PGCKA1: variants seen among roughly 807,000 people sequenced by gnomAD.
PGCKA1 encodes the protein PDCD10 and GCKIII kinases-associated protein 1.
At chr4:37,489,970 T>C in the PGCKA1 span, among the ~76,000 whole-genome samples, 1 of 152,086 alleles carries the variant, frequency 6.6e-6, no homozygotes, top group East Asian at 1.9e-4. Context: ...TGAGAAATTG[T>C]CTCCTCTTAG....
the PGCKA1 span, among the ~76,000 whole-genome samples, chr4:37,474,431 T>A: frequency 6.6e-6 from 1 of 152,154 alleles, no homozygotes; most frequent in African/African-American, 2.4e-5. Context: ...GCTAAGACAC[T>A]TGTCAACGTT....
the PGCKA1 span, among the ~76,000 whole-genome samples, chr4:37,481,464 C>CAAAAAAAAAAAAA: frequency 2.1e-3 from 128 of 61,318 alleles, 4 homozygotes; most frequent in Non-Finnish European, 2.6e-3. Context: ...GACCTGTCTC[C>CAAAAAAAAAAAAA]AAAAAAAAAA....
the PGCKA1 span, among the ~76,000 whole-genome samples, chr4:37,509,245 A>ACG: frequency 1.0e-5 from 1 of 97,762 alleles, no homozygotes; most frequent in African/African-American, 4.5e-5. Flanking sequence ...CACTTCCCAG[A>ACG]AGGGGTGGCC....
At chr4:37,560,050 A>G in the PGCKA1 span, among the ~76,000 whole-genome samples, 3 of 152,160 alleles carry the variant, frequency 2.0e-5, no homozygotes, top group Non-Finnish European at 1.5e-5. Flanking sequence ...ATTCAATACC[A>G]TAGGCCCAAA....
At chr4:37,552,452 G>T in the PGCKA1 span, among the ~76,000 whole-genome samples, 2 of 152,170 alleles carry the variant, frequency 1.3e-5, no homozygotes, top group Non-Finnish European at 2.9e-5. Flanking sequence ...TTTGCCTGTG[G>T]CTCATCCTGC....
the PGCKA1 span, among the ~76,000 whole-genome samples, chr4:37,535,439 A>G: frequency 2.0e-5 from 3 of 152,034 alleles, no homozygotes; most frequent in African/African-American, 7.3e-5. Context: ...ATATGCCCAC[A>G]ATTTGGGGCC....
At chr4:37,592,078 GGCGCCTGTAATCCCA>G in the PGCKA1 span, among the ~76,000 whole-genome samples, 1 of 151,808 alleles carries the variant, frequency 6.6e-6, no homozygotes, top group African/African-American at 2.4e-5. Context: ...CACGGTGGCG[GGCGCCTGTAATCCCA>G]GCTACTTGGG....
chr4:37,537,463 T>C, the PGCKA1 span, among the ~76,000 whole-genome samples: 2,364 of 152,308 alleles, frequency 0.016, 55 homozygotes, highest in African/African-American at 0.054. Context: ...TGCAATATTA[T>C]ACACATGCAT....
At chr4:37,516,706 A>G in the PGCKA1 span, among the ~76,000 whole-genome samples, 2 of 152,234 alleles carry the variant, frequency 1.3e-5, no homozygotes, top group Non-Finnish European at 2.9e-5. Flanking sequence ...AGTAAAATGA[A>G]CAATTTATAA....
chr4:37,473,509 T>C, the PGCKA1 span, among the ~76,000 whole-genome samples: 1 of 152,202 alleles, frequency 6.6e-6, no homozygotes, highest in Non-Finnish European at 1.5e-5. Flanking sequence ...CTTCAGAAGA[T>C]TGACAGAGTT....
chr4:37,510,476 G>A, the PGCKA1 span, among the ~76,000 whole-genome samples: 7 of 152,030 alleles, frequency 4.6e-5, no homozygotes. Context: ...TACCACCTTG[G>A]TGGCCCTGAA....
chr4:37,579,142 C>A, the PGCKA1 span, among the ~76,000 whole-genome samples: 14,224 of 151,826 alleles, frequency 0.094, 2,136 homozygotes, highest in African/African-American at 0.31. Flanking sequence ...AGAAAAAAAA[C>A]CAAAAACAAA....
At chr4:37,514,804 A>C in the PGCKA1 span, among the ~76,000 whole-genome samples, 1 of 152,182 alleles carries the variant, frequency 6.6e-6, no homozygotes, top group Admixed American at 6.5e-5. Context: ...CTCAGCAGGG[A>C]CTGGAGGATC....
chr4:37,469,549 C>T, the PGCKA1 span, among the ~76,000 whole-genome samples: 2 of 152,062 alleles, frequency 1.3e-5, no homozygotes, highest in African/African-American at 4.8e-5. Flanking sequence ...TACAAGACAA[C>T]ACATAGAAAA....
the PGCKA1 span, among the ~76,000 whole-genome samples, chr4:37,483,132 C>G: frequency 2.0e-5 from 3 of 152,114 alleles, no homozygotes; most frequent in Admixed American, 6.6e-5. Context: ...CTTATGAGAT[C>G]TGTTGGTTTT....
At chr4:37,462,962 C>CA in the PGCKA1 span, among the ~76,000 whole-genome samples, 9,727 of 60,032 alleles carry the variant, frequency 0.16, 888 homozygotes, top group East Asian at 0.33. Flanking sequence ...GACTCAGTAT[C>CA]AAAAAAAAAA....
the PGCKA1 span, among the ~76,000 whole-genome samples, chr4:37,510,885 A>G: frequency 8.9e-4 from 135 of 151,914 alleles, 5 homozygotes; most frequent in East Asian, 0.022. Flanking sequence ...CTGGTATTCT[A>G]TTCTACTGTG....
the PGCKA1 span, among the ~76,000 whole-genome samples, chr4:37,583,604 T>C: frequency 6.8e-6 from 1 of 147,572 alleles, no homozygotes; most frequent in Non-Finnish European, 1.5e-5. Flanking sequence ...GCCCAGCTAA[T>C]TTTTTTTTAT....
chr4:37,483,231 T>C, the PGCKA1 span, among the ~76,000 whole-genome samples: 3 of 152,230 alleles, frequency 2.0e-5, no homozygotes, highest in Non-Finnish European at 4.4e-5. Context: ...CTTTCATGAT[T>C]GTAAGTTTCC....
Sources: gnomAD v4.1 joint callset for allele counts (sites outside exome capture counted in the v4.1 genomes callset) on GRCh38, gnomAD v4.1.1 for gene constraint, MANE v1.5 for transcripts, NCBI Gene and HGNC (gene_info 2026-07-23, HGNC 2026-07-21) for gene names.